CNTNAP2: variants seen among roughly 807,000 people sequenced by gnomAD.
CNTNAP2 encodes contactin associated protein 2.
A neutral mutation model predicts 155.2 loss-of-function variants in CNTNAP2; 98 were observed. The observed-to-expected ratio is 0.63, with a 90% CI of 0.54 to 0.75. The LOEUF (loss-of-function observed/expected upper bound fraction) is 0.75, where lower values mean the gene tolerates loss of function less well. Ranked by LOEUF, CNTNAP2 falls within the 30% of genes least tolerant of loss-of-function variation. The probability of loss-of-function intolerance (pLI) is 0.00; values close to 1 mark genes in which losing one functional copy is unlikely to be tolerated. For synonymous variants in CNTNAP2, 651 were observed against 631.2 expected (o/e 1.03, Z -0.47); for missense variants, 1,727 against 1,688.1 (o/e 1.02, Z -0.40).
chr7:146,652,074 A>G lies in CNTNAP2; in HGVS notation c.98-122197A>G, dbSNP rs182351466. ...ATTAGAAATAACGATAAATTGAACA[A>G]CAATGCAAAAGGAAATTCCCAAAAT... is the stretch of plus-strand genomic sequence containing the variant. On this transcript the variant is annotated intron_variant, in intron 1 of 23. Transcript: ENST00000361727. 1.2e-4 allele frequency among the ~76,000 whole-genome samples: 18 copies of G among 152,290 alleles called. No individual in the cohort carries two copies. In the East Asian group the frequency reaches 3.3e-3, roughly 28 times the overall value.
At chr7:146,972,344 A>G (rs1000725389) in intron 3 of CNTNAP2, among the ~76,000 whole-genome samples, 5 of 152,196 alleles carry the variant, frequency 3.3e-5, no homozygotes, top group South Asian at 2.1e-4. Flanking sequence ...ATTAAAATCA[A>G]TACAGAGGAA....
At chr7:146,389,969 A>AC (rs1271923224) in intron 1 of CNTNAP2, among the ~76,000 whole-genome samples, 3 of 151,894 alleles carry the variant, frequency 2.0e-5, no homozygotes, top group African/African-American at 7.3e-5. Flanking sequence ...CCAAAGTGCT[A>AC]CGATTACAGA....
intron 9 of CNTNAP2, among the ~76,000 whole-genome samples, chr7:147,352,987 CCTTTGGTCT>C (rs1795993128): frequency 6.6e-6 from 1 of 151,370 alleles, no homozygotes; most frequent in Non-Finnish European, 1.5e-5. Flanking sequence ...TAAAGCCCAA[CCTTTGGTCT>C]TTTGAATCGT....
intron 1 of CNTNAP2, among the ~76,000 whole-genome samples, chr7:146,545,306 T>C (rs1231108660): frequency 2.0e-5 from 3 of 151,974 alleles, no homozygotes; most frequent in Non-Finnish European, 4.4e-5. Context: ...CGAAGTTCTC[T>C]TTGTAACACA....
At chr7:147,287,230 G>T (rs1426650186) in intron 8 of CNTNAP2, among the ~76,000 whole-genome samples, 8 of 152,096 alleles carry the variant, frequency 5.3e-5, no homozygotes, top group African/African-American at 1.7e-4. Context: ...TGGTTAAACT[G>T]TCCTAACAGG....
At chr7:147,327,903 T>C (rs1440580699) in intron 9 of CNTNAP2, among the ~76,000 whole-genome samples, 2 of 152,132 alleles carry the variant, frequency 1.3e-5, no homozygotes, top group African/African-American at 4.8e-5. Flanking sequence ...TAAGCCGTTA[T>C]CAGCCACCAA....
chr7:147,309,133 G>A (rs1326189310), intron 9 of CNTNAP2, among the ~76,000 whole-genome samples: 2 of 152,086 alleles, frequency 1.3e-5, no homozygotes, highest in Non-Finnish European at 2.9e-5. Context: ...GTTGGAGGGG[G>A]GTAGAAAGTA....
intron 13 of CNTNAP2, among the ~76,000 whole-genome samples, chr7:147,881,168 T>G (rs1799514470): frequency 6.6e-6 from 1 of 152,152 alleles, no homozygotes; most frequent in Admixed American, 6.5e-5. Flanking sequence ...AAAAGGAAGT[T>G]CCTGAGAGCA....
At chr7:146,782,913 A>T (rs1164661639) in intron 2 of CNTNAP2, among the ~76,000 whole-genome samples, 1 of 152,196 alleles carries the variant, frequency 6.6e-6, no homozygotes, top group Admixed American at 6.5e-5. Context: ...CCTCCTTAAA[A>T]ATTTATTGTT....
At chr7:147,839,358 G>C (rs1798687336) in intron 13 of CNTNAP2, among the ~76,000 whole-genome samples, 1 of 152,114 alleles carries the variant, frequency 6.6e-6, no homozygotes, top group African/African-American at 2.4e-5. Context: ...AGATTCCAAA[G>C]ATTGTATTTT....
At chr7:147,881,708 C>T (rs11975355) in intron 13 of CNTNAP2, among the ~76,000 whole-genome samples, 6,886 of 152,256 alleles carry the variant, frequency 0.045, 475 homozygotes, top group African/African-American at 0.15. Context: ...CCGTGGCTCA[C>T]GCCTGTAATC....
At chr7:147,987,133 T>C (rs1414589696) in intron 15 of CNTNAP2, among the ~76,000 whole-genome samples, 1 of 152,180 alleles carries the variant, frequency 6.6e-6, no homozygotes. Flanking sequence ...CTCCCATTAA[T>C]GGATTGAGCC....
chr7:146,816,640 G>T lies in CNTNAP2; in HGVS notation c.209-23071G>T, dbSNP rs1035720145. ...GTTATCAGTAATAACATGTCAGTTT[G>T]TTTCTTGTTTGGTTGGTTTGCTTTT... On this transcript the variant is annotated intron_variant, in intron 2 of 23. Transcript: ENST00000361727. 3.9e-5 allele frequency among the ~76,000 whole-genome samples: 6 copies of T among 152,176 alleles called. No homozygotes were observed. The East Asian group carries it at 1.2e-3, about 29-fold the overall frequency.
At chr7:147,089,159 C>A (rs1336594165) in intron 4 of CNTNAP2, among the ~76,000 whole-genome samples, 1 of 152,148 alleles carries the variant, frequency 6.6e-6, no homozygotes, top group Non-Finnish European at 1.5e-5. Flanking sequence ...GCTACATTAC[C>A]CCAGCTGTTG....
At chr7:147,829,988 C>T (rs1213624458) in intron 13 of CNTNAP2, among the ~76,000 whole-genome samples, 1 of 151,856 alleles carries the variant, frequency 6.6e-6, no homozygotes, top group Non-Finnish European at 1.5e-5. Context: ...CTGGAGCTGC[C>T]TTGCTCCAGA....
chr7:147,161,820 T>C (rs1802031068), intron 8 of CNTNAP2: 1 of 152,198 alleles, frequency 6.6e-6, no homozygotes, highest in African/African-American at 2.4e-5. Flanking sequence ...CTTACAAGTT[T>C]ATGTGATGAG....
chr7:147,451,353 A>G (rs560196565), intron 10 of CNTNAP2, among the ~76,000 whole-genome samples: 1 of 152,178 alleles, frequency 6.6e-6, no homozygotes, highest in Non-Finnish European at 1.5e-5. Context: ...GGATACCACT[A>G]ATAATATCTC....
chr7:148,328,357 A>C (rs1797926908), intron 21 of CNTNAP2, among the ~76,000 whole-genome samples: 1 of 152,076 alleles, frequency 6.6e-6, no homozygotes, highest in African/African-American at 2.4e-5. Context: ...GGTTGGCCTA[A>C]AGTTGGCAGC....
chr7:147,061,514 G>T (rs561569747), intron 4 of CNTNAP2, among the ~76,000 whole-genome samples: 2 of 137,448 alleles, frequency 1.5e-5, no homozygotes, highest in Non-Finnish European at 3.0e-5. Context: ...TTATTTCAGG[G>T]TCTTATCGTG....
Sources: allele counts gnomAD v4.1 joint callset (sites outside exome capture counted in the v4.1 genomes callset), GRCh38; gene constraint gnomAD v4.1.1; transcripts MANE v1.5; gene names NCBI Gene and HGNC (gene_info 2026-07-23, HGNC 2026-07-21).